ARHGAP29: variants seen among roughly 807,000 people sequenced by gnomAD.
ARHGAP29 encodes the protein Rho GTPase activating protein 29.
ARHGAP29 carries 43 observed loss-of-function variants against 122.6 expected under a neutral mutation model. The ratio of observed to expected loss-of-function variants is 0.35; its 90% CI spans 0.27 to 0.45. The LOEUF (loss-of-function observed/expected upper bound fraction) is 0.45, where lower values mean the gene tolerates loss of function less well. ARHGAP29 is among the 20% of genes least tolerant of loss of function. ARHGAP29 has a pLI of 1.00. For missense variants in ARHGAP29, 1,303 were observed against 1,477.2 expected (o/e 0.88, Z 1.93); for synonymous variants, 506 against 497.1 (o/e 1.02, Z -0.24).
At chr1:94,270,261 G>A (rs1319970541) in intron 1 of ARHGAP29, among the ~76,000 whole-genome samples, 2 of 152,180 alleles carry the variant, frequency 1.3e-5, no homozygotes, top group South Asian at 4.1e-4. Context: ...GGTCATAGAT[G>A]TCCTGGGATT....
chr1:94,227,539 T>C (rs191793074), intron 2 of ARHGAP29, among the ~76,000 whole-genome samples: 3 of 151,932 alleles, frequency 2.0e-5, no homozygotes, highest in Admixed American at 6.5e-5. Context: ...TATTTTAAAA[T>C]GGCAGTTAAT....
At chr1:94,185,194 C>A (rs1649719241) in intron 17 of ARHGAP29, 134 bp from the exon 18 acceptor site, 5 of 1,202,026 alleles carry the variant, frequency 4.2e-6, no homozygotes, top group Admixed American at 3.1e-5. Flanking sequence ...GATTTAACAA[C>A]AAAATAAAAT....
At chr1:94,285,852 T>G in the ARHGAP29 span, among the ~76,000 whole-genome samples, 1 of 127,964 alleles carries the variant, frequency 7.8e-6, no homozygotes, top group African/African-American at 3.1e-5. Context: ...TCCAGCCTGA[T>G]GACAGAGCAA....
chr1:94,217,068 C>T (rs902700206), intron 3 of ARHGAP29, among the ~76,000 whole-genome samples: 4 of 152,196 alleles, frequency 2.6e-5, no homozygotes, highest in African/African-American at 9.6e-5. Flanking sequence ...ACCCTTCATG[C>T]ATTCAAACCT....
intron 1 of ARHGAP29, among the ~76,000 whole-genome samples, chr1:94,266,270 T>C (rs1487797258): frequency 6.6e-6 from 1 of 152,180 alleles, no homozygotes; most frequent in Non-Finnish European, 1.5e-5. Context: ...GTCACTGTCA[T>C]TCTGCTCCTT....
chr1:94,270,815 A>G (rs1218169027), intron 1 of ARHGAP29, among the ~76,000 whole-genome samples: 2 of 152,242 alleles, frequency 1.3e-5, no homozygotes, highest in African/African-American at 2.4e-5. Context: ...AATTTTCCCA[A>G]TGGGCAGAGC....
chr1:94,292,471 A>G, the ARHGAP29 span, among the ~76,000 whole-genome samples: 4 of 152,146 alleles, frequency 2.6e-5, no homozygotes, highest in Non-Finnish European at 4.4e-5. Flanking sequence ...TGTCAAACTC[A>G]TTCTCTGTCC....
At chr1:94,182,803 CAGG>C (rs1362086698) in intron 19 of ARHGAP29, among the ~76,000 whole-genome samples, 2 of 136,996 alleles carry the variant, frequency 1.5e-5, no homozygotes, top group Non-Finnish European at 3.1e-5. Flanking sequence ...ATGACCAAAA[CAGG>C]AGAATAAAAC....
At chr1:94,304,874 G>T in the ARHGAP29 span, among the ~76,000 whole-genome samples, 2 of 152,180 alleles carry the variant, frequency 1.3e-5, no homozygotes, top group Non-Finnish European at 2.9e-5. Flanking sequence ...TTCCTAGTCA[G>T]CATGGAAATG....
At chr1:94,278,782 CT>C (rs1186401063), upstream of ARHGAP29, among the ~76,000 whole-genome samples, 1 of 152,188 alleles carries the variant, frequency 6.6e-6, no homozygotes, top group Non-Finnish European at 1.5e-5. Context: ...TAAAATCCTG[CT>C]TTAATTACTA....
chr1:94,203,831 G>C, intron 8 of ARHGAP29, 99 bp downstream of exon 8: 1 of 933,290 alleles, frequency 1.1e-6, no homozygotes, highest in Non-Finnish European at 1.7e-6. Flanking sequence ...GCATTTAAGT[G>C]CTTTCCTATA....
chr1:94,242,658 C>G (rs1197754458), intron 1 of ARHGAP29, among the ~76,000 whole-genome samples: 1 of 133,860 alleles, frequency 7.5e-6, no homozygotes, highest in Admixed American at 7.3e-5. Context: ...AAGGAAACAA[C>G]AAATGGAACA....
chr1:94,204,037 T>C (rs754293167), intron 7 of ARHGAP29, 43 bp from the exon 8 acceptor site: 19 of 1,522,044 alleles, frequency 1.2e-5, no homozygotes, highest in Non-Finnish European at 1.7e-5. Context: ...AATCAATTTA[T>C]TTTTCCCCCT....
chr1:94,233,809 T>C (rs1321510200), intron 1 of ARHGAP29, among the ~76,000 whole-genome samples: 4 of 152,254 alleles, frequency 2.6e-5, no homozygotes, highest in East Asian at 3.8e-4. Context: ...ATGGGATGTA[T>C]GTGAGTTTTT....
Position 94,178,992 on chromosome 1 carries a change from C to T in ARHGAP29, c.2480+733G>A, listed in dbSNP as rs565653177. Reference sequence around the variant, plus strand: ...TGTAAGTCTGATTCAAGGGCTATCTCCTCTGATTTATGCCTGCACCACACA... The same window carrying T: ...TGTAAGTCTGATTCAAGGGCTATCTTCTCTGATTTATGCCTGCACCACACA... On this transcript the variant is annotated intron_variant, in intron 20 of 22. Coordinates refer to ENST00000260526, the MANE Select transcript of ARHGAP29 (RefSeq NM_004815.4). Among the ~76,000 whole-genome samples the T allele has an allele frequency of 3.2e-4, 49 of 152,254 alleles. No homozygotes were observed. The Middle Eastern group carries it at 0.01, about 32-fold the overall frequency.
At chr1:94,243,361 A>C (rs1165940291) in intron 1 of ARHGAP29, among the ~76,000 whole-genome samples, 1 of 152,098 alleles carries the variant, frequency 6.6e-6, no homozygotes, top group Non-Finnish European at 1.5e-5. Context: ...CCTCTGATCA[A>C]AACAAAATTA....
At chr1:94,174,771 T>C (rs1423273430) in intron 22 of ARHGAP29, 22 bp from the exon 23 acceptor site, 2 of 1,604,944 alleles carry the variant, frequency 1.2e-6, no homozygotes, top group Non-Finnish European at 8.5e-7. Context: ...AGAAATCTAT[T>C]TAAGTTTGTG....
At chr1:94,253,904 A>G (rs1041869388) in intron 1 of ARHGAP29, among the ~76,000 whole-genome samples, 1 of 152,218 alleles carries the variant, frequency 6.6e-6, no homozygotes, top group Non-Finnish European at 1.5e-5. Context: ...CAGAGAATTG[A>G]GAAGTGACTG....
At chr1:94,305,353 A>G in the ARHGAP29 span, among the ~76,000 whole-genome samples, 3 of 152,218 alleles carry the variant, frequency 2.0e-5, no homozygotes, top group African/African-American at 7.2e-5. Flanking sequence ...TTCTTTAAAT[A>G]TGTTGAATAT....
Sources: gnomAD v4.1 joint callset for allele counts (sites outside exome capture counted in the v4.1 genomes callset) on GRCh38, gnomAD v4.1.1 for gene constraint, MANE v1.5 for transcripts, NCBI Gene and HGNC (gene_info 2026-07-23, HGNC 2026-07-21) for gene names.